The following LHFPL3 variants were observed in gnomAD, a reference collection of about 807,000 sequenced individuals.
LHFPL3 encodes LHFPL tetraspan subfamily member 3.
Under a neutral mutation model 19.3 loss-of-function variants are expected in LHFPL3, and 5 were observed. The observed-to-expected ratio is 0.26, with a 90% CI of 0.14 to 0.54. The LOEUF (loss-of-function observed/expected upper bound fraction) is 0.54. Ranked by LOEUF, LHFPL3 falls within the 20% of genes least tolerant of loss-of-function variation. The probability of loss-of-function intolerance (pLI) is 0.94; values close to 1 mark genes in which losing one functional copy is unlikely to be tolerated. For missense variants in LHFPL3, 249 were observed against 307.4 expected, an observed-to-expected ratio of 0.81 and a Z score of 1.42; for synonymous variants, 133 against 126.2, an observed-to-expected ratio of 1.05 and a Z score of -0.36.
At chr7:104,828,668 C>T (rs1456216867) in intron 2 of LHFPL3, among the ~76,000 whole-genome samples, 1 of 151,950 alleles carries the variant, frequency 6.6e-6, no homozygotes, top group Non-Finnish European at 1.5e-5. Context: ...GAAAACTCCT[C>T]CCATGCCAGA....
intron 1 of LHFPL3, among the ~76,000 whole-genome samples, chr7:104,476,188 A>G (rs569799483): frequency 2.6e-5 from 4 of 152,352 alleles, no homozygotes; most frequent in African/African-American, 9.6e-5. Flanking sequence ...AGGAAAATAA[A>G]ACAAACACAA....
intron 1 of LHFPL3, among the ~76,000 whole-genome samples, chr7:104,491,217 A>G (rs1289114376): frequency 6.6e-6 from 1 of 152,166 alleles, no homozygotes; most frequent in Non-Finnish European, 1.5e-5. Context: ...ATCAGCAATC[A>G]GATGACCAGG....
At chr7:104,635,320 T>C (rs1260670528) in intron 1 of LHFPL3, among the ~76,000 whole-genome samples, 1 of 152,158 alleles carries the variant, frequency 6.6e-6, no homozygotes, top group Non-Finnish European at 1.5e-5. Context: ...AATTTCCAGT[T>C]TGAAAAGGCT....
intron 2 of LHFPL3, among the ~76,000 whole-genome samples, chr7:104,875,579 C>T (rs1194327782): frequency 6.6e-6 from 1 of 152,220 alleles, no homozygotes; most frequent in Non-Finnish European, 1.5e-5. Context: ...CCAGGACCTT[C>T]AAAGTCTTAG....
At chr7:104,519,755 T>C (rs10243072) in intron 1 of LHFPL3, among the ~76,000 whole-genome samples, 15,133 of 152,166 alleles carry the variant, frequency 0.099, 820 homozygotes, top group Middle Eastern at 0.16. Context: ...TAGATTATAA[T>C]TGATGCAGGG....
At chr7:104,649,490 A>G (rs1791990623) in intron 1 of LHFPL3, among the ~76,000 whole-genome samples, 1 of 152,196 alleles carries the variant, frequency 6.6e-6, no homozygotes, top group South Asian at 2.1e-4. Flanking sequence ...AGATCAAAGG[A>G]CAGCACCTGT....
intron 2 of LHFPL3, among the ~76,000 whole-genome samples, chr7:104,881,801 T>G (rs890685445): frequency 6.6e-6 from 1 of 152,220 alleles, no homozygotes; most frequent in Non-Finnish European, 1.5e-5. Flanking sequence ...GGAAACTTCC[T>G]TGTGGTCTTA....
At chr7:104,638,864 G>GCGATCCTCCCACCT (rs1006155041) in intron 1 of LHFPL3, among the ~76,000 whole-genome samples, 4 of 150,896 alleles carry the variant, frequency 2.7e-5, no homozygotes, top group African/African-American at 9.8e-5. Context: ...GAAGGCTCAA[G>GCGATCCTCCCACCT]CGATCCTCCC....
At chr7:104,737,342 T>C (rs1431954423) in intron 2 of LHFPL3, among the ~76,000 whole-genome samples, 1 of 152,144 alleles carries the variant, frequency 6.6e-6, no homozygotes, top group Non-Finnish European at 1.5e-5. Context: ...ATATATATCT[T>C]TATTAAACTA....
chr7:104,715,581 G>T (rs535185443), intron 1 of LHFPL3, among the ~76,000 whole-genome samples: 3 of 152,184 alleles, frequency 2.0e-5, no homozygotes, highest in African/African-American at 4.8e-5. Context: ...TTCTTAATTT[G>T]TTGAGAGTTT....
intron 1 of LHFPL3, among the ~76,000 whole-genome samples, chr7:104,608,620 C>T (rs1791152278): frequency 6.6e-6 from 1 of 151,784 alleles, no homozygotes; most frequent in South Asian, 2.1e-4. Flanking sequence ...ACATTGTGCA[C>T]ATGTACCCTA....
intron 1 of LHFPL3, among the ~76,000 whole-genome samples, chr7:104,380,259 AAAT>A (rs1271275101): frequency 3.9e-5 from 6 of 152,316 alleles, no homozygotes; most frequent in African/African-American, 1.4e-4. Context: ...AGTACTTAAT[AAAT>A]AATAATTTCT....
chr7:104,579,652 C>A (rs544514713), intron 1 of LHFPL3, among the ~76,000 whole-genome samples: 1 of 152,248 alleles, frequency 6.6e-6, no homozygotes, highest in South Asian at 2.1e-4. Context: ...TGAGCACTTT[C>A]TTTGTATTTT....
At chr7:104,592,567 A>C (rs1469601458) in intron 1 of LHFPL3, among the ~76,000 whole-genome samples, 1 of 152,078 alleles carries the variant, frequency 6.6e-6, no homozygotes, top group African/African-American at 2.4e-5. Context: ...GACCCACTTG[A>C]GGCAGTCTAT....
intron 1 of LHFPL3, among the ~76,000 whole-genome samples, chr7:104,728,376 C>T (rs889607165): frequency 1.1e-4 from 16 of 152,158 alleles, no homozygotes; most frequent in African/African-American, 3.9e-4. Flanking sequence ...GGCTAAGCTA[C>T]ATACCCTGGA....
chr7:104,835,466 CCTT>C (rs1199042870), intron 2 of LHFPL3, among the ~76,000 whole-genome samples: 2 of 152,024 alleles, frequency 1.3e-5, no homozygotes, highest in African/African-American at 4.8e-5. Flanking sequence ...GGCAGTCACT[CCTT>C]CATCTATTCA....
intron 1 of LHFPL3, among the ~76,000 whole-genome samples, chr7:104,692,669 C>T (rs1046804515): frequency 6.6e-6 from 1 of 152,234 alleles, no homozygotes. Context: ...GGTGTTGGGC[C>T]TGCGGGTACA....
At chr7:104,401,301 A>C (rs553822806) in intron 1 of LHFPL3, among the ~76,000 whole-genome samples, 1 of 152,214 alleles carries the variant, frequency 6.6e-6, no homozygotes, top group Non-Finnish European at 1.5e-5. Flanking sequence ...TGAGAAAAAT[A>C]TTATTTTGTT....
At chr7:104,574,327 G>T (rs1318642849) in intron 1 of LHFPL3, among the ~76,000 whole-genome samples, 1 of 152,168 alleles carries the variant, frequency 6.6e-6, no homozygotes, top group East Asian at 1.9e-4. Context: ...AGGGGGCAGG[G>T]ACAGGGACAA....
Sources: allele counts gnomAD v4.1 joint callset (sites outside exome capture counted in the v4.1 genomes callset), GRCh38; gene constraint gnomAD v4.1.1; transcripts MANE v1.5; gene names NCBI Gene and HGNC (gene_info 2026-07-23, HGNC 2026-07-21).